Variants in UNC5C observed in about 807,000 individuals in gnomAD.
UNC5C encodes the protein unc-5 netrin receptor C, also known as netrin receptor UNC5C.
Under a neutral mutation model 99.8 loss-of-function variants are expected in UNC5C, and 47 were observed. The ratio of observed to expected loss-of-function variants is 0.47; its 90% CI spans 0.37 to 0.60. The LOEUF is 0.60. UNC5C is among the 20% of genes least tolerant of loss of function. UNC5C has a pLI of 0.00. For synonymous variants in UNC5C, 487 were observed against 452.2 expected (o/e 1.08, Z -0.98); for missense variants, 1,062 against 1,165.9 (o/e 0.91, Z 1.30).
intron 7 of UNC5C, among the ~76,000 whole-genome samples, chr4:95,239,433 T>C (rs2149377092): frequency 6.6e-6 from 1 of 152,272 alleles, no homozygotes; most frequent in Middle Eastern, 3.4e-3. Context: ...AGTTTCAGCT[T>C]TCTTTAGGGT....
Position 95,256,699 on chromosome 4 carries a change from A to ATAT in UNC5C, c.595-6033_595-6032insATA, listed in dbSNP as rs1553958327. Among the ~76,000 whole-genome samples, 610 of 90,682 alleles carry ATAT rather than the reference A, an allele frequency of 6.7e-3. 5 individuals are homozygous for ATAT. The highest frequency in any genetic ancestry group is 0.016 in the African/African-American group (445 of 27,800). The allele number at this position is 90,682 out of a possible 152,430, so 59.5% of individuals were successfully genotyped here. On this transcript the variant is annotated intron_variant, in intron 4 of 15. Coordinates refer to ENST00000453304, the MANE Select transcript of UNC5C (RefSeq NM_003728.4). ...TTGTCTAGAGGGACAGAACTAAATA[A>ATAT]ATATATATATATATATATATATGAG...
At chr4:95,503,889 C>G (rs1721842678) in intron 1 of UNC5C, among the ~76,000 whole-genome samples, 2 of 152,100 alleles carry the variant, frequency 1.3e-5, no homozygotes, top group Non-Finnish European at 2.9e-5. Context: ...CACTTGTATC[C>G]TTGATATAAC....
chr4:95,264,328 C>T (rs1052771357), intron 4 of UNC5C, among the ~76,000 whole-genome samples: 13 of 152,178 alleles, frequency 8.5e-5, no homozygotes, highest in African/African-American at 3.1e-4. Context: ...TGAAATCTTG[C>T]ACTCAGAAAT....
chr4:95,537,139 A>G (rs990265521), intron 1 of UNC5C, among the ~76,000 whole-genome samples: 1 of 152,154 alleles, frequency 6.6e-6, no homozygotes, highest in African/African-American at 2.4e-5. Context: ...TAAAACCCAT[A>G]TAAGGAAATA....
At chr4:95,263,794 C>G (rs1181414508) in intron 4 of UNC5C, among the ~76,000 whole-genome samples, 1 of 152,154 alleles carries the variant, frequency 6.6e-6, no homozygotes, top group African/African-American at 2.4e-5. Context: ...TACTATATGT[C>G]AAAGCACTTT....
At chr4:95,331,107 A>G (rs1400441324) in intron 2 of UNC5C, among the ~76,000 whole-genome samples, 1 of 152,052 alleles carries the variant, frequency 6.6e-6, no homozygotes, top group Admixed American at 6.6e-5. Flanking sequence ...ACTTAAGATA[A>G]TGGCTTCCAG....
intron 1 of UNC5C, among the ~76,000 whole-genome samples, chr4:95,358,074 C>T (rs746032941): frequency 1.7e-4 from 26 of 152,096 alleles, no homozygotes; most frequent in Non-Finnish European, 3.5e-4. Flanking sequence ...AAGCTACCAT[C>T]ATACAATATT....
intron 1 of UNC5C, among the ~76,000 whole-genome samples, chr4:95,467,403 C>T (rs1271876321): frequency 6.6e-6 from 1 of 152,014 alleles, no homozygotes; most frequent in South Asian, 2.1e-4. Context: ...GATCAACCCA[C>T]AGATAAAAAC....
intron 12 of UNC5C, among the ~76,000 whole-genome samples, chr4:95,190,186 T>C (rs1186146199): frequency 6.6e-6 from 1 of 152,188 alleles, no homozygotes; most frequent in Non-Finnish European, 1.5e-5. Flanking sequence ...TCATGTCCTT[T>C]GTAGGGACAT....
At chr4:95,286,837 C>T (rs1741253762) in intron 3 of UNC5C, among the ~76,000 whole-genome samples, 1 of 152,114 alleles carries the variant, frequency 6.6e-6, no homozygotes, top group African/African-American at 2.4e-5. Flanking sequence ...AATCTGATGA[C>T]TAACAGAAGT....
intron 4 of UNC5C, among the ~76,000 whole-genome samples, chr4:95,272,117 C>G (rs1212125845): frequency 2.6e-5 from 4 of 152,224 alleles, no homozygotes; most frequent in African/African-American, 9.6e-5. Flanking sequence ...CACCCTCTCT[C>G]ATATGACCTT....
chr4:95,213,765 T>C (rs908018677), intron 10 of UNC5C, among the ~76,000 whole-genome samples: 1 of 152,208 alleles, frequency 6.6e-6, no homozygotes, highest in Non-Finnish European at 1.5e-5. Context: ...GCTCCTGATG[T>C]CCTCACAGAG....
intron 1 of UNC5C, among the ~76,000 whole-genome samples, chr4:95,385,651 T>C (rs1579374738): frequency 6.6e-6 from 1 of 152,216 alleles, no homozygotes; most frequent in South Asian, 2.1e-4. Flanking sequence ...TGTTTACTGA[T>C]GGCTATCCAT....
At chr4:95,430,166 G>A (rs62308764) in intron 1 of UNC5C, among the ~76,000 whole-genome samples, 18,559 of 152,034 alleles carry the variant, frequency 0.12, 1,526 homozygotes, top group Non-Finnish European at 0.18. Flanking sequence ...GACTCTGGTC[G>A]ATAATGATGT....
chr4:95,255,038 C>A lies in UNC5C; in HGVS notation c.595-4371G>T, dbSNP rs116294266. Among the ~76,000 whole-genome samples, 1,399 of 151,818 alleles carry A rather than the reference C, an allele frequency of 9.2e-3. 11 individuals are homozygous for A. The highest frequency in any genetic ancestry group is 0.031 in the African/African-American group (1,303 of 41,374). ...CAAAGTCTCACCGTGTGCAGTGGTA[C>A]AATCTCAGCTCACTGCAGCCAGCCT... is the stretch of plus-strand genomic sequence containing the variant. On this transcript the variant is annotated intron_variant, in intron 4 of 15. Coordinates refer to ENST00000453304, the MANE Select transcript of UNC5C (RefSeq NM_003728.4).
chr4:95,488,924 A>C (rs1721402874), intron 1 of UNC5C, among the ~76,000 whole-genome samples: 1 of 151,780 alleles, frequency 6.6e-6, no homozygotes, highest in Non-Finnish European at 1.5e-5. Context: ...ATCAGTTCAA[A>C]AAATAAGAAT....
At chr4:95,305,939 T>G (rs1742046286) in intron 2 of UNC5C, among the ~76,000 whole-genome samples, 1 of 152,200 alleles carries the variant, frequency 6.6e-6, no homozygotes, top group African/African-American at 2.4e-5. Flanking sequence ...AGCATATGCT[T>G]AATTTCATAA....
intron 1 of UNC5C, among the ~76,000 whole-genome samples, chr4:95,461,453 A>G (rs2149471112): frequency 6.6e-6 from 1 of 150,412 alleles, no homozygotes; most frequent in Non-Finnish European, 1.5e-5. Flanking sequence ...ATTATAAATT[A>G]TTGTTGGCTT....
At chr4:95,204,786 C>A (rs1248147624) in intron 11 of UNC5C, among the ~76,000 whole-genome samples, 1 of 152,140 alleles carries the variant, frequency 6.6e-6, no homozygotes, top group African/African-American at 2.4e-5. Context: ...AGTGAATGAA[C>A]ACTTAGTTAT....
Sources: gnomAD v4.1 joint callset for allele counts (sites outside exome capture counted in the v4.1 genomes callset) on GRCh38, gnomAD v4.1.1 for gene constraint, MANE v1.5 for transcripts, NCBI Gene and HGNC (gene_info 2026-07-23, HGNC 2026-07-21) for gene names.